The following PRSS56 variants were observed in gnomAD, a reference collection of about 807,000 sequenced individuals.
The protein encoded by PRSS56 is serine protease 56, also known as protease, serine 56.
In PRSS56, 55 loss-of-function variants were observed where a neutral mutation model predicts 66.8. The ratio of observed to expected loss-of-function variants is 0.82; its 90% CI spans 0.66 to 1.03. The LOEUF (loss-of-function observed/expected upper bound fraction) is 1.03, where lower values mean the gene tolerates loss of function less well. Among genes scored for constraint, PRSS56 ranks in the 50% least tolerant of loss-of-function variants. The probability of loss-of-function intolerance (pLI) is 0.00; values close to 1 mark genes in which losing one functional copy is unlikely to be tolerated. For synonymous variants in PRSS56, 409 were observed against 387.9 expected (o/e 1.05, Z -0.64); for missense variants, 869 against 837.2 (o/e 1.04, Z -0.47).
chr2:232,521,267 G>A, intron 1 of PRSS56, 54 bp from the exon 2 acceptor site: 2 of 1,395,092 alleles, frequency 1.4e-6, no homozygotes, highest in Non-Finnish European at 2.0e-6. Flanking sequence ...CCAGGAGGAT[G>A]AGGCTGAGGC....
intron 8 of PRSS56, 57 bp downstream of exon 8, chr2:232,523,635 CA>C: frequency 3.3e-6 from 5 of 1,503,074 alleles, no homozygotes; most frequent in Non-Finnish European, 4.4e-6. Context: ...AACCGTGGGA[CA>C]AGCCCGTTTC....
At position 232,525,677 on chromosome 2, in the gene PRSS56, C is replaced by G. The variant is rs1250281714; in HGVS notation, c.*171C>G. The G allele has an allele frequency of 7.3e-6, 4 of 548,270 alleles. No individual in the cohort carries two copies. The highest frequency in any genetic ancestry group is 1.2e-5 in the Non-Finnish European group (4 of 321,196). The allele number at this position is 548,270 out of a possible 1,614,324, so 34.0% of individuals were successfully genotyped here. On this transcript the variant is annotated 3_prime_UTR_variant, in exon 13 of 13. Coordinates refer to ENST00000617714, the MANE Select transcript of PRSS56 (RefSeq NM_001195129.2). ...CTTCCCAGGTTTACAATCAGAGAAT[C>G]ACAGCTGCTTTAATAAATGTTATTT...
chr2:232,522,418 A>G, intron 4 of PRSS56, 97 bp from the exon 5 acceptor site: 1 of 1,152,856 alleles, frequency 8.7e-7, no homozygotes, highest in Non-Finnish European at 1.2e-6. Context: ...CCCCAGGTGG[A>G]GAAAGCCCGG....
rs1281240501 is a variant in PRSS56 at position 232,522,141 on chromosome 2, G to A, written c.427G>A (p.Ala143Thr). The change falls in exon 4 of 13, where the codon GCA becomes ACA. Residue 143 changes from alanine to threonine, a missense_variant. Around this residue, in one of 3 missense-constraint regions of PRSS56, gnomAD observed 315 missense variants for 313.7 expected, o/e 1.00. Transcript: ENST00000617714. ...GGTAGCGGCCTCCTGGGTGCTCACG[G>A]CAGCGCACTGCTTTGTAGGGTAAGT... Reference protein sequence around the residue: ...VLVAASWVLTAAHCFVGAPNE... With the variant: ...VLVAASWVLTTAHCFVGAPNE... 1 of 1,515,542 alleles carries A rather than the reference G, an allele frequency of 6.6e-7. No individual in the cohort carries two copies. The highest frequency in any genetic ancestry group is 8.8e-7 in the Non-Finnish European group (1 of 1,138,660). 93.9% of individuals were successfully genotyped at this position (1,515,542 alleles called of 1,614,324 possible).
chr2:232,524,433 C>G (rs1382190904), intron 11 of PRSS56, 64 bp downstream of exon 11: 2 of 1,467,694 alleles, frequency 1.4e-6, no homozygotes, highest in East Asian at 5.0e-5. Flanking sequence ...AGGTCGGAAG[C>G]GCTTCTACTG....
rs1303725342 is a variant in PRSS56, at chr2:232,525,375, G to T, written c.1681G>T (p.Ala561Ser). ...LPRLLVQALQAFRVAALAEGE... is the reference protein window; with the variant it reads ...LPRLLVQALQSFRVAALAEGE... ...CCGGCTGCTGGTGCAGGCCCTGCAG[G>T]CCTTCCGCGTGGCTGCCCTGGCAGA... Residue 561 changes from alanine to serine, a missense_variant, in exon 13 of 13, where the codon GCC becomes TCC. Transcript: ENST00000617714. 3.3e-6 allele frequency: 5 copies of T among 1,533,740 alleles called. No individual in the cohort carries two copies. Among genetic ancestry groups the T allele is most frequent in the Non-Finnish European group, 3.5e-6 (4 of 1,146,026 alleles).
At chr2:232,524,400 G>A (rs1434763205) in intron 11 of PRSS56, 31 bp downstream of exon 11, 3 of 1,530,274 alleles carry the variant, frequency 2.0e-6, no homozygotes, top group East Asian at 2.4e-5. Flanking sequence ...CCTTCAGGAG[G>A]GGATAGGCTG....
chr2:232,523,393 C>T lies in PRSS56; in HGVS notation c.850-23C>T, dbSNP rs1006505760. 9.1e-6 allele frequency: 13 copies of T among 1,434,196 alleles called. No individual in the cohort carries two copies. In the Admixed American group the frequency reaches 3.7e-4, roughly 41 times the overall value. 88.8% of individuals were successfully genotyped at this position (1,434,196 alleles called of 1,614,324 possible). ...CGTCATAGGGGGCAGGTGAATGCAG[C>T]GTCCTCTCTCTTGGCCCCGCAGGGT... On this transcript the variant is annotated intron_variant, in intron 7 of 12. Transcript: ENST00000617714.
intron 11 of PRSS56, 36 bp from the exon 12 acceptor site, chr2:232,524,702 C>G (rs769950113): frequency 7.0e-7 from 1 of 1,436,002 alleles, no homozygotes; most frequent in Non-Finnish European, 9.4e-7. Context: ...ATACCGCAAC[C>G]GTTCATTATT....
Position 232,523,942 on chromosome 2 carries a change from T to C in PRSS56, c.1183T>C (p.Cys395Arg), listed in dbSNP as rs730882161. Residue 395 changes from cysteine (C) to arginine (R), a missense_variant, in exon 9 of 13, where the codon TGC becomes CGC. Transcript: ENST00000617714. ...HQQCLQRRRR[C>R]ELRSLAHTLL... ...GCAGTGCCTGCAGCGCCGGCGGCGA[T>C]GCGGTCAGTTCTGTTCACCCGGACC... 6.6e-7 allele frequency: 1 copy of C among 1,507,524 alleles called. No individual in the cohort carries two copies. Among genetic ancestry groups the C allele is most frequent in the Admixed American group, 2.1e-5 (1 of 47,102 alleles). The allele number at this position is 1,507,524 out of a possible 1,614,324, so 93.4% of individuals were successfully genotyped here.
chr2:232,520,573 G>T lies in PRSS56; in HGVS notation c.-26G>T, dbSNP rs1559288037. ...ACTCCGAGGAGGAGAGAGGACAGGG[G>T]TCTCTCACCCCAGCTCCTGGTCACC... On this transcript the variant is annotated 5_prime_UTR_variant, in exon 1 of 13. Transcript: ENST00000617714. 3.3e-6 allele frequency: 5 copies of T among 1,520,066 alleles called. No individual in the cohort carries two copies. The highest frequency in any genetic ancestry group is 4.4e-6 in the Non-Finnish European group (5 of 1,132,448). The allele number at this position is 1,520,066 out of a possible 1,614,324, so 94.2% of individuals were successfully genotyped here.
At chr2:232,524,244 C>G (rs1559290399) in intron 10 of PRSS56, 41 bp downstream of exon 10, 1 of 1,534,740 alleles carries the variant, frequency 6.5e-7, no homozygotes, top group Non-Finnish European at 8.7e-7. Flanking sequence ...CTGGCCCGGC[C>G]CCACCCGCGC....
rs1271790409 is a variant in PRSS56 at position 232,520,685 on chromosome 2, C to T, written c.87C>T (p.Ser29=). Residue 29 remains serine, a synonymous_variant, in exon 1 of 13, where the codon AGC becomes AGT. Coordinates refer to ENST00000617714, the MANE Select transcript of PRSS56 (RefSeq NM_001195129.2). ...CACTGTACACACGCCTGCCCCCCAG[C>T]GCCCTGCAAGGTAAGTCCAGGCTGG... ...GHPLYTRLPP[S]ALQVLSAQGT... 7 of 1,532,162 alleles carry T rather than the reference C, an allele frequency of 4.6e-6. No homozygotes were observed. The African/African-American group carries it at 6.9e-5, about 15-fold the overall frequency. 94.9% of individuals were successfully genotyped at this position (1,532,162 alleles called of 1,614,324 possible).
chr2:232,523,130 C>A lies in PRSS56; in HGVS notation c.777C>A (p.Ala259=). Residue 259 remains alanine (A), a synonymous_variant, in exon 7 of 13, where the codon GCC becomes GCA. Transcript: ENST00000617714. ...PLLSTDTCRR[A]LGPGLRPSTM... ...TCAGCACCGACACCTGCCGAAGAGC[C>A]CTGGGGCCCGGGCTGCGCCCCAGCA... 6 of 1,533,908 alleles carry A rather than the reference C, an allele frequency of 3.9e-6. No homozygotes were observed. Among genetic ancestry groups the A allele is most frequent in the Non-Finnish European group, 5.2e-6 (6 of 1,145,684 alleles).
rs1250225047 is a variant in PRSS56, at chr2:232,524,102, C to A, written c.1250C>A (p.Pro417His). ...LLRNAQELLG[P>H]RPGLRRLAPA... ...CGGAACGCGCAGGAGCTGCTCGGGC[C>A]TCGTCCGGGACTGCGGCGCCTGGCC... Residue 417 changes from proline to histidine, a missense_variant, in exon 10 of 13, where the codon CCT (proline) becomes CAT (histidine). This residue lies in a region of PRSS56 where 551 missense variants were observed against 506.9 expected (regional missense o/e 1.09). Coordinates refer to ENST00000617714, the MANE Select transcript of PRSS56 (RefSeq NM_001195129.2). The A allele has an allele frequency of 5.3e-6, 8 of 1,521,716 alleles. No individual in the cohort carries two copies. The highest frequency in any genetic ancestry group is 7.0e-6 in the Non-Finnish European group (8 of 1,141,364). 94.3% of individuals were successfully genotyped at this position (1,521,716 alleles called of 1,614,324 possible).
chr2:232,523,493 G>C lies in PRSS56; in HGVS notation c.927G>C (p.Trp309Cys), dbSNP rs1344570915. The change falls in exon 8 of 13, where the codon TGG (tryptophan) becomes TGC (cysteine). Residue 309 changes from tryptophan to cysteine, a missense_variant. Trp to Cys is a radical substitution (Grantham distance 215). Around this residue, in one of 3 missense-constraint regions of PRSS56, gnomAD observed 551 missense variants for 506.9 expected, o/e 1.09. Coordinates refer to ENST00000617714, the MANE Select transcript of PRSS56 (RefSeq NM_001195129.2). ...PREVLFGVTS[W>C]GDGCGEPGKP... ...AGGTCCTGTTCGGAGTCACCTCCTG[G>C]GGGGACGGCTGCGGGGAGCCAGGGA... 7.8e-6 allele frequency: 12 copies of C among 1,530,976 alleles called. No individual in the cohort carries two copies. Among genetic ancestry groups the C allele is most frequent in the Non-Finnish European group, 7.9e-6 (9 of 1,144,500 alleles). The allele number at this position is 1,530,976 out of a possible 1,614,324, so 94.8% of individuals were successfully genotyped here.
rs1251147670 is a variant in PRSS56, at chr2:232,522,709, C to A, written c.554C>A (p.Pro185Gln). ...NRILPHPKFD[P>Q]RTFHNDLALV... Reference sequence around the variant, plus strand: ...CCGCCTCCCCCTCCTCAGTTTGACCCGCGGACCTTCCACAACGACCTGGCC... The same window carrying A: ...CCGCCTCCCCCTCCTCAGTTTGACCAGCGGACCTTCCACAACGACCTGGCC... The change falls in exon 6 of 13, where the codon CCG becomes CAG. Residue 185 changes from proline to glutamine, a missense_variant. By Grantham distance (76) the Pro-to-Gln change is moderately conservative. Transcript: ENST00000617714. 6.5e-7 allele frequency: 1 copy of A among 1,534,362 alleles called. No individual in the cohort carries two copies. The highest frequency in any genetic ancestry group is 2.0e-5 in the Admixed American group (1 of 50,902).
At position 232,524,435 on chromosome 2, in the gene PRSS56, C is replaced by T. The variant is rs1486426975; in HGVS notation, c.1414+66C>T. 1.4e-5 allele frequency: 20 copies of T among 1,461,508 alleles called. No homozygotes were observed. In the South Asian group the frequency reaches 2.2e-4, roughly 16 times the overall value. 90.5% of individuals were successfully genotyped at this position (1,461,508 alleles called of 1,614,324 possible). Reference sequence around the variant, plus strand: ...GAGGGCCTGGACGAGGTCGGAAGCGCTTCTACTGCAGCTCCGGAAAGGGCT... The same window carrying T: ...GAGGGCCTGGACGAGGTCGGAAGCGTTTCTACTGCAGCTCCGGAAAGGGCT... On this transcript the variant is annotated intron_variant, in intron 11 of 12. Coordinates refer to ENST00000617714, the MANE Select transcript of PRSS56 (RefSeq NM_001195129.2).
rs929267732 is a variant in PRSS56, at chr2:232,525,376, C to T, written c.1682C>T (p.Ala561Val). The part of the protein sequence containing the change: ...LPRLLVQALQ[A>V]FRVAALAEGE... ...CGGCTGCTGGTGCAGGCCCTGCAGG[C>T]CTTCCGCGTGGCTGCCCTGGCAGAA... is the stretch of plus-strand genomic sequence containing the variant. The change falls in exon 13 of 13, where the codon GCC becomes GTC. Residue 561 changes from alanine (A) to valine (V), a missense_variant. By Grantham distance (64) the Ala-to-Val change is moderately conservative (BLOSUM62 0). This residue lies in a region of PRSS56 where 551 missense variants were observed against 506.9 expected (regional missense o/e 1.09). Transcript: ENST00000617714. The T allele has an allele frequency of 4.6e-6, 7 of 1,533,670 alleles. No individual in the cohort carries two copies. Among genetic ancestry groups the T allele is most frequent in the Non-Finnish European group, 6.1e-6 (7 of 1,146,042 alleles).
Sources: allele counts gnomAD v4.1 joint callset, GRCh38; gene constraint gnomAD v4.1.1; regional missense constraint gnomAD v4.1.1; transcripts MANE v1.5; gene names NCBI Gene and HGNC (gene_info 2026-07-23, HGNC 2026-07-21).